The following SLC24A2 variants were observed in gnomAD, a reference collection of about 807,000 sequenced individuals.
SLC24A2 encodes the protein sodium/potassium/calcium exchanger 2.
Under a neutral mutation model 62.0 loss-of-function variants are expected in SLC24A2, and 36 were observed. The ratio of observed to expected loss-of-function variants is 0.58; its 90% CI spans 0.44 to 0.77. The LOEUF (loss-of-function observed/expected upper bound fraction) is 0.77. Among genes scored for constraint, SLC24A2 ranks in the 30% least tolerant of loss-of-function variants. SLC24A2 has a pLI of 0.00. For missense variants in SLC24A2, 846 were observed against 817.9 expected, an observed-to-expected ratio of 1.03 and a Z score of -0.42; for synonymous variants, 358 against 294.0, an observed-to-expected ratio of 1.22 and a Z score of -2.23.
At chr9:20,105,857 C>G in the SLC24A2 span, among the ~76,000 whole-genome samples, 1 of 151,990 alleles carries the variant, frequency 6.6e-6, no homozygotes, top group Non-Finnish European at 1.5e-5. Flanking sequence ...CAGAGCAGAA[C>G]TGAAGGAAAT....
chr9:20,217,432 T>A, the SLC24A2 span, among the ~76,000 whole-genome samples: 16 of 152,190 alleles, frequency 1.1e-4, no homozygotes, highest in Non-Finnish European at 4.4e-5. Flanking sequence ...GTATAATTGA[T>A]CAGTCTGGAA....
intron 6 of SLC24A2, among the ~76,000 whole-genome samples, chr9:19,576,389 G>T (rs928938099): frequency 6.6e-6 from 1 of 152,118 alleles, no homozygotes. Context: ...AAGAGACCTG[G>T]GGGCTGTTAC....
At chr9:20,041,647 G>C in the SLC24A2 span, among the ~76,000 whole-genome samples, 7 of 152,214 alleles carry the variant, frequency 4.6e-5, no homozygotes, top group Non-Finnish European at 8.8e-5. Context: ...TTCAGGGTCT[G>C]CCTCATACAT....
At chr9:19,943,663 A>G in the SLC24A2 span, among the ~76,000 whole-genome samples, 1 of 152,156 alleles carries the variant, frequency 6.6e-6, no homozygotes, top group Non-Finnish European at 1.5e-5. Context: ...CTGCTAATCT[A>G]TCTGTATTTC....
At chr9:20,109,132 T>G in the SLC24A2 span, among the ~76,000 whole-genome samples, 12 of 152,248 alleles carry the variant, frequency 7.9e-5, no homozygotes, top group East Asian at 2.1e-3. Context: ...AGGTGTGTAA[T>G]AGGCTATACT....
intron 8 of SLC24A2, among the ~76,000 whole-genome samples, chr9:19,533,218 T>A (rs1235002079): frequency 6.6e-6 from 1 of 152,212 alleles, no homozygotes; most frequent in East Asian, 1.9e-4. Context: ...TATGTTCATC[T>A]TCTTGGGCAA....
At chr9:20,083,188 G>A in the SLC24A2 span, among the ~76,000 whole-genome samples, 1 of 152,248 alleles carries the variant, frequency 6.6e-6, no homozygotes, top group African/African-American at 2.4e-5. Context: ...ACTCAGGGGA[G>A]AGACATGATG....
At chr9:19,660,824 T>C (rs1266247659) in intron 2 of SLC24A2, among the ~76,000 whole-genome samples, 2 of 152,188 alleles carry the variant, frequency 1.3e-5, no homozygotes, top group Non-Finnish European at 2.9e-5. Flanking sequence ...ATAGGTTATC[T>C]TATTTAACCC....
At chr9:19,680,233 C>A (rs1203249018) in intron 2 of SLC24A2, among the ~76,000 whole-genome samples, 1 of 152,158 alleles carries the variant, frequency 6.6e-6, no homozygotes, top group Non-Finnish European at 1.5e-5. Context: ...CCAACCCTAA[C>A]AGAAGAGGTG....
chr9:20,174,003 C>T, the SLC24A2 span, among the ~76,000 whole-genome samples: 3 of 152,110 alleles, frequency 2.0e-5, no homozygotes, highest in Admixed American at 2.0e-4. Context: ...AAAGTAGGCA[C>T]ATAGACCAAT....
the SLC24A2 span, among the ~76,000 whole-genome samples, chr9:19,872,931 C>T: frequency 6.6e-6 from 1 of 152,116 alleles, no homozygotes; most frequent in Admixed American, 6.5e-5. Context: ...CTCCTTAAAT[C>T]CCTCATGTCT....
chr9:19,902,790 T>C, the SLC24A2 span, among the ~76,000 whole-genome samples: 1 of 152,200 alleles, frequency 6.6e-6, no homozygotes, highest in Admixed American at 6.5e-5. Flanking sequence ...ACAATTACAT[T>C]AGAAAGGAAG....
At chr9:19,723,117 G>A (rs1008420028) in intron 2 of SLC24A2, among the ~76,000 whole-genome samples, 1 of 152,082 alleles carries the variant, frequency 6.6e-6, no homozygotes, top group Non-Finnish European at 1.5e-5. Context: ...GTCAATCTAA[G>A]CATGCACATG....
At chr9:19,582,949 G>A (rs1358849558) in intron 5 of SLC24A2, among the ~76,000 whole-genome samples, 1 of 152,014 alleles carries the variant, frequency 6.6e-6, no homozygotes, top group African/African-American at 2.4e-5. Context: ...AAGTCACATA[G>A]GAATAATTCT....
At chr9:19,953,423 A>G in the SLC24A2 span, among the ~76,000 whole-genome samples, 4 of 152,030 alleles carry the variant, frequency 2.6e-5, no homozygotes, top group African/African-American at 4.8e-5. Flanking sequence ...TCTGTGCTTA[A>G]GGATATTATT....
the SLC24A2 span, among the ~76,000 whole-genome samples, chr9:20,015,445 G>A: frequency 1.3e-5 from 2 of 152,194 alleles, no homozygotes; most frequent in Admixed American, 6.5e-5. Flanking sequence ...GTTGAGTTGT[G>A]TAAAATCAAC....
At chr9:19,820,024 T>TAC in the SLC24A2 span, among the ~76,000 whole-genome samples, 1 of 60,320 alleles carries the variant, frequency 1.7e-5, no homozygotes, top group African/African-American at 4.2e-5. Context: ...TATATATATA[T>TAC]ACACATATAT....
At chr9:20,114,200 G>C in the SLC24A2 span, among the ~76,000 whole-genome samples, 2 of 152,062 alleles carry the variant, frequency 1.3e-5, no homozygotes, top group Non-Finnish European at 2.9e-5. Context: ...CAAATAGCAC[G>C]TTTGTGTGAG....
At chr9:19,749,213 C>T (rs1334856519) in intron 2 of SLC24A2, among the ~76,000 whole-genome samples, 1 of 151,688 alleles carries the variant, frequency 6.6e-6, no homozygotes, top group African/African-American at 2.4e-5. Flanking sequence ...CTCAGCAAAA[C>T]ACAGGCATTC....
Sources: gnomAD v4.1 joint callset for allele counts (sites outside exome capture counted in the v4.1 genomes callset) on GRCh38, gnomAD v4.1.1 for gene constraint, MANE v1.5 for transcripts, NCBI Gene and HGNC (gene_info 2026-07-23, HGNC 2026-07-21) for gene names.